Variants in IMMP2L observed in about 807,000 individuals in gnomAD.
IMMP2L encodes mitochondrial inner membrane protease subunit 2.
IMMP2L carries 18 observed loss-of-function variants against 19.3 expected under a neutral mutation model. The observed-to-expected ratio is 0.93, with a 90% CI of 0.64 to 1.38. The LOEUF is 1.38. IMMP2L is among the 40% of genes most tolerant of loss of function. IMMP2L has a pLI of 0.00. For synonymous variants in IMMP2L, 76 were observed against 73.0 expected (o/e 1.04, Z -0.21); for missense variants, 233 against 218.2 (o/e 1.07, Z -0.43).
chr7:111,492,507 T>C (rs912582642), intron 2 of IMMP2L: 18 of 328,622 alleles, frequency 5.5e-5, no homozygotes, highest in African/African-American at 3.8e-4. Flanking sequence ...GGGACTCCTC[T>C]GTAAAGCCTT....
intron 4 of IMMP2L, among the ~76,000 whole-genome samples, chr7:110,913,325 G>T (rs1813258147): frequency 6.6e-6 from 1 of 152,046 alleles, no homozygotes; most frequent in African/African-American, 2.4e-5. Flanking sequence ...GTTAGCAAAT[G>T]CCAAGGAGCT....
chr7:110,771,294 G>A (rs959321303), intron 5 of IMMP2L, among the ~76,000 whole-genome samples: 2 of 152,100 alleles, frequency 1.3e-5, no homozygotes, highest in African/African-American at 4.8e-5. Flanking sequence ...AGGGGGATGA[G>A]GGAGCTGCCC....
At chr7:111,332,651 C>T (rs1457356678) in intron 3 of IMMP2L, among the ~76,000 whole-genome samples, 1 of 151,852 alleles carries the variant, frequency 6.6e-6, no homozygotes, top group Non-Finnish European at 1.5e-5. Flanking sequence ...AAAACACCTA[C>T]AATATAACTA....
intron 3 of IMMP2L, among the ~76,000 whole-genome samples, chr7:111,165,761 G>A (rs1214168431): frequency 1.3e-5 from 2 of 151,922 alleles, no homozygotes; most frequent in African/African-American, 2.4e-5. Flanking sequence ...TACTCATTCT[G>A]GGTCATCTCT....
intron 3 of IMMP2L, among the ~76,000 whole-genome samples, chr7:111,476,278 G>A (rs558842535): frequency 6.6e-6 from 1 of 152,096 alleles, no homozygotes; most frequent in Non-Finnish European, 1.5e-5. Flanking sequence ...GAGGCTTTCA[G>A]ATTTGTTTCA....
chr7:110,908,693 C>A (rs1812733259), intron 4 of IMMP2L, among the ~76,000 whole-genome samples: 1 of 152,204 alleles, frequency 6.6e-6, no homozygotes, highest in Admixed American at 6.5e-5. Flanking sequence ...GAAGCCCTTT[C>A]AGATGTGTTT....
intron 5 of IMMP2L, among the ~76,000 whole-genome samples, chr7:110,820,930 A>G (rs1802969129): frequency 6.6e-6 from 1 of 151,970 alleles, no homozygotes; most frequent in African/African-American, 2.4e-5. Flanking sequence ...ATCTCCCTCC[A>G]CTAAAATGTT....
chr7:111,173,795 T>C (rs1240930240), intron 3 of IMMP2L, among the ~76,000 whole-genome samples: 1 of 151,606 alleles, frequency 6.6e-6, no homozygotes, highest in African/African-American at 2.4e-5. Context: ...ACAGGACATA[T>C]CCAGAAAATG....
chr7:111,299,237 GA>G (rs1821955511), intron 3 of IMMP2L, among the ~76,000 whole-genome samples: 1 of 152,028 alleles, frequency 6.6e-6, no homozygotes, highest in African/African-American at 2.4e-5. Context: ...TCATAAGTAG[GA>G]TATTATAACA....
chr7:111,428,279 A>G (rs1453555866), intron 3 of IMMP2L, among the ~76,000 whole-genome samples: 3 of 151,774 alleles, frequency 2.0e-5, no homozygotes, highest in Admixed American at 1.3e-4. Context: ...TCTGTTTCAC[A>G]TATAGATGAT....
intron 3 of IMMP2L, among the ~76,000 whole-genome samples, chr7:111,308,353 A>C (rs1396898848): frequency 6.6e-6 from 1 of 152,004 alleles, no homozygotes; most frequent in Admixed American, 6.6e-5. Flanking sequence ...ACAAAAGAAA[A>C]GGAAACTTTG....
At chr7:111,345,027 G>A (rs545051524) in intron 3 of IMMP2L, among the ~76,000 whole-genome samples, 19 of 152,140 alleles carry the variant, frequency 1.2e-4, no homozygotes, top group Non-Finnish European at 2.5e-4. Flanking sequence ...AAAACTGACA[G>A]GGCAGAGGTA....
chr7:110,816,883 T>A (rs1802569115), intron 5 of IMMP2L, among the ~76,000 whole-genome samples: 1 of 152,182 alleles, frequency 6.6e-6, no homozygotes, highest in Admixed American at 6.6e-5. Context: ...ATGGGTTTCC[T>A]GAATATACGA....
chr7:111,164,592 T>C (rs1805627403), intron 3 of IMMP2L, among the ~76,000 whole-genome samples: 1 of 152,064 alleles, frequency 6.6e-6, no homozygotes, highest in Admixed American at 6.6e-5. Flanking sequence ...AGGGTAGTGA[T>C]ACAACAGTAC....
intron 4 of IMMP2L, among the ~76,000 whole-genome samples, chr7:110,902,518 GT>G (rs1438870103): frequency 6.8e-6 from 1 of 146,234 alleles, no homozygotes; most frequent in Non-Finnish European, 1.5e-5. Flanking sequence ...AAGGGTTCAT[GT>G]TGGAAAAACC....
chr7:111,302,234 T>C (rs996234825), intron 3 of IMMP2L, among the ~76,000 whole-genome samples: 25 of 152,156 alleles, frequency 1.6e-4, no homozygotes, highest in African/African-American at 5.8e-4. Flanking sequence ...ATCCAAGCTA[T>C]ACAAACACCC....
intron 3 of IMMP2L, among the ~76,000 whole-genome samples, chr7:111,002,369 G>C (rs1016456108): frequency 1.3e-5 from 2 of 152,114 alleles, no homozygotes; most frequent in Non-Finnish European, 2.9e-5. Context: ...AAAACAATCA[G>C]ACTGACCAAG....
At chr7:110,694,021 G>A (rs1793694573) in intron 5 of IMMP2L, among the ~76,000 whole-genome samples, 1 of 152,134 alleles carries the variant, frequency 6.6e-6, no homozygotes, top group Non-Finnish European at 1.5e-5. Flanking sequence ...CCTGGAATGA[G>A]TATCCCAAAT....
chr7:111,264,371 G>A (rs1342840023), intron 3 of IMMP2L, among the ~76,000 whole-genome samples: 1 of 152,012 alleles, frequency 6.6e-6, no homozygotes, highest in Non-Finnish European at 1.5e-5. Flanking sequence ...AAATCCTCTG[G>A]GTACAGAAGA....
Sources: allele counts gnomAD v4.1 joint callset (sites outside exome capture counted in the v4.1 genomes callset), GRCh38; gene constraint gnomAD v4.1.1; transcripts MANE v1.5; gene names NCBI Gene and HGNC (gene_info 2026-07-23, HGNC 2026-07-21).